ANKS1B: variants seen among roughly 807,000 people sequenced by gnomAD.
ANKS1B encodes the protein ankyrin repeat and sterile alpha motif domain-containing protein 1B.
In ANKS1B, 36 loss-of-function variants were observed where a neutral mutation model predicts 148.3. The observed-to-expected ratio is 0.24, with a 90% CI of 0.19 to 0.32. ANKS1B has a LOEUF of 0.32. Among genes scored for constraint, ANKS1B ranks in the 10% least tolerant of loss-of-function variants. The pLI is 1.00. For synonymous variants in ANKS1B, 542 were observed against 560.8 expected, an observed-to-expected ratio of 0.97 and a Z score of 0.47; for missense variants, 1,157 against 1,542.6, an observed-to-expected ratio of 0.75 and a Z score of 4.19.
At chr12:99,585,549 G>A (rs555726108) in intron 9 of ANKS1B, among the ~76,000 whole-genome samples, 4 of 152,264 alleles carry the variant, frequency 2.6e-5, no homozygotes, top group South Asian at 2.1e-4. Context: ...GCCCCAGTGC[G>A]GACTCTGTGT....
intron 14 of ANKS1B, among the ~76,000 whole-genome samples, chr12:99,172,471 ACAGT>A (rs1232080219): frequency 2.0e-5 from 3 of 152,178 alleles, no homozygotes; most frequent in African/African-American, 7.2e-5. Flanking sequence ...ATTTTAGGAG[ACAGT>A]CTTTAATGCA....
At chr12:99,422,060 C>T (rs990802522) in intron 11 of ANKS1B, among the ~76,000 whole-genome samples, 1 of 152,180 alleles carries the variant, frequency 6.6e-6, no homozygotes, top group Non-Finnish European at 1.5e-5. Flanking sequence ...GCACAGCCTG[C>T]AGAACCGTGA....
chr12:99,116,330 G>C (rs550597327), intron 15 of ANKS1B, among the ~76,000 whole-genome samples: 20 of 152,262 alleles, frequency 1.3e-4, no homozygotes, highest in Admixed American at 1.2e-3. Context: ...GATAGATTCA[G>C]AATATCTGAA....
rs542903527 is a variant in ANKS1B, at chr12:98,894,653, A to C, written c.2779-62517T>G. The C allele has an allele frequency of 7.7e-5, 76 of 985,382 alleles. No individual in the cohort carries two copies. The African/African-American group carries it at 1.3e-3, about 17-fold the overall frequency. 61.0% of individuals were successfully genotyped at this position (985,382 alleles called of 1,614,324 possible). A position where few individuals can be genotyped will look rare whatever the true frequency, so the allele number is the denominator to read the frequency against. On this transcript the variant is annotated intron_variant, in intron 17 of 26. Coordinates refer to ENST00000683438, the MANE Select transcript of ANKS1B (RefSeq NM_001352186.2). ...ACCCGAGCCGCTCGGGCTGGCCGCG[A>C]GCCGGGATCCGCGAGGGCTGGCGGG...
chr12:99,966,722 TA>T (rs1252017198), intron 1 of ANKS1B, among the ~76,000 whole-genome samples: 2 of 152,212 alleles, frequency 1.3e-5, no homozygotes, highest in African/African-American at 4.8e-5. Flanking sequence ...TTCCATACCA[TA>T]AAAATATGTC....
At chr12:99,899,841 G>C (rs2093524259) in intron 1 of ANKS1B, among the ~76,000 whole-genome samples, 1 of 151,836 alleles carries the variant, frequency 6.6e-6, no homozygotes, top group African/African-American at 2.4e-5. Flanking sequence ...TGTCGTAACA[G>C]TCTTAAAATG....
chr12:99,731,459 T>TGTGTGTGTGTGTGTGTGTG (rs1567736260), intron 8 of ANKS1B, among the ~76,000 whole-genome samples: 2 of 148,064 alleles, frequency 1.4e-5, no homozygotes, highest in Non-Finnish European at 3.0e-5. Context: ...TGTGTGTGTG[T>TGTGTGTGTGTGTGTGTGTG]TTTAATTATC....
intron 25 of ANKS1B, among the ~76,000 whole-genome samples, chr12:98,754,391 G>A (rs778215607): frequency 1.2e-4 from 18 of 152,178 alleles, no homozygotes; most frequent in South Asian, 2.1e-4. Context: ...TAGTGTTTGC[G>A]TGGGTCCCCT....
intron 8 of ANKS1B, among the ~76,000 whole-genome samples, chr12:99,738,142 T>C (rs1249496909): frequency 6.6e-6 from 1 of 152,196 alleles, no homozygotes; most frequent in African/African-American, 2.4e-5. Flanking sequence ...TATATAATGT[T>C]CCCAGTATCA....
At chr12:99,379,382 T>C (rs1214916293) in intron 12 of ANKS1B, among the ~76,000 whole-genome samples, 1 of 152,230 alleles carries the variant, frequency 6.6e-6, no homozygotes, top group Non-Finnish European at 1.5e-5. Flanking sequence ...AGTTATATGC[T>C]CTGTGCTTTC....
At chr12:99,566,398 C>T (rs145830033) in intron 9 of ANKS1B, among the ~76,000 whole-genome samples, 2,086 of 152,276 alleles carry the variant, frequency 0.014, 14 homozygotes, top group Non-Finnish European at 0.022. Flanking sequence ...AAGGATCCCT[C>T]TCCTTCTAAT....
At chr12:99,755,920 T>C (rs901365090) in intron 8 of ANKS1B, among the ~76,000 whole-genome samples, 2 of 151,976 alleles carry the variant, frequency 1.3e-5, no homozygotes, top group African/African-American at 4.8e-5. Flanking sequence ...TACCTTATAA[T>C]GTCCTTATTT....
chr12:99,119,251 G>C (rs1276271664), intron 15 of ANKS1B, among the ~76,000 whole-genome samples: 1 of 152,146 alleles, frequency 6.6e-6, no homozygotes, highest in Admixed American at 6.5e-5. Flanking sequence ...AGAAATTGGA[G>C]TGATGTGGGC....
At chr12:99,116,626 AAAAAT>A (rs1488056646) in intron 15 of ANKS1B, among the ~76,000 whole-genome samples, 5 of 152,198 alleles carry the variant, frequency 3.3e-5, no homozygotes, top group Admixed American at 2.6e-4. Flanking sequence ...TAGATTTAAA[AAAAAT>A]AAACATTTAA....
At chr12:99,700,170 TCTC>T (rs1467448919) in intron 8 of ANKS1B, among the ~76,000 whole-genome samples, 1 of 152,080 alleles carries the variant, frequency 6.6e-6, no homozygotes, top group African/African-American at 2.4e-5. Context: ...ATTAGTCATC[TCTC>T]CTCCTAGAGG....
intron 14 of ANKS1B, among the ~76,000 whole-genome samples, chr12:99,239,416 T>C (rs1208258773): frequency 6.6e-6 from 1 of 152,156 alleles, no homozygotes; most frequent in Non-Finnish European, 1.5e-5. Context: ...TATGGGACTA[T>C]GTGAAAAGAC....
intron 12 of ANKS1B, among the ~76,000 whole-genome samples, chr12:99,311,490 G>C (rs759178608): frequency 3.7e-4 from 56 of 152,102 alleles, no homozygotes; most frequent in Non-Finnish European, 7.1e-4. Flanking sequence ...GGTATGAAGA[G>C]AGATTGATGA....
At chr12:99,931,912 C>G (rs2094626704) in intron 1 of ANKS1B, among the ~76,000 whole-genome samples, 5 of 152,058 alleles carry the variant, frequency 3.3e-5, no homozygotes. Flanking sequence ...TAACCATCCC[C>G]ACTGCCCTAC....
intron 17 of ANKS1B, among the ~76,000 whole-genome samples, chr12:98,920,989 A>C (rs2099800657): frequency 6.6e-6 from 1 of 152,192 alleles, no homozygotes; most frequent in Admixed American, 6.5e-5. Context: ...CATGTATATA[A>C]TTTATTTGGC....
Sources: gnomAD v4.1 joint callset for allele counts (sites outside exome capture counted in the v4.1 genomes callset) on GRCh38, gnomAD v4.1.1 for gene constraint, MANE v1.5 for transcripts, NCBI Gene and HGNC (gene_info 2026-07-23, HGNC 2026-07-21) for gene names.